Variants in ASB14 observed in about 807,000 individuals in gnomAD.
ASB14 encodes ankyrin repeat and SOCS box containing 14.
In ASB14, 63 loss-of-function variants were observed where a neutral mutation model predicts 55.6. The observed-to-expected ratio is 1.13, with a 90% CI of 0.92 to 1.40. The LOEUF (loss-of-function observed/expected upper bound fraction) is 1.40. Among genes scored for constraint, ASB14 ranks in the 40% most tolerant of loss-of-function variants. The pLI is 0.00. For synonymous variants in ASB14, 256 were observed against 259.9 expected (o/e 0.98, Z 0.15); for missense variants, 724 against 710.4 (o/e 1.02, Z -0.22).
chr3:57,288,434 G>T, intron 3 of ASB14, 148 bp from the exon 4 acceptor site: 1 of 903,340 alleles, frequency 1.1e-6, no homozygotes, highest in South Asian at 1.7e-5. Context: ...GCATATGACA[G>T]ACAGTAAGGC....
chr3:57,268,419 CAAAAAG>C lies in ASB14; in HGVS notation c.*1216_*1221del. On this transcript the variant is annotated 3_prime_UTR_variant, in exon 11 of 11. Transcript: ENST00000487349. ...TTAGGATCGTAGGGCATCAGAAAAACAAAAAGAAATAGAGAGAGTAAAAGAGAAGCA... is the reference window on the plus strand; with the variant it reads ...TTAGGATCGTAGGGCATCAGAAAAACAAATAGAGAGAGTAAAAGAGAAGCA... 1 of 1,593,986 alleles carries C rather than the reference CAAAAAG, an allele frequency of 6.3e-7. No individual in the cohort carries two copies.
At chr3:57,271,433 G>A (rs1006012919) in intron 10 of ASB14, 16 of 152,556 alleles carry the variant, frequency 1.0e-4, no homozygotes, top group African/African-American at 3.6e-4. Context: ...TCACAATAGT[G>A]TATCAGTTCT....
chr3:57,280,536 T>TA, intron 6 of ASB14, 63 bp from the exon 7 acceptor site: 5 of 1,427,862 alleles, frequency 3.5e-6, no homozygotes, highest in Non-Finnish European at 4.8e-6. Flanking sequence ...TTGAGCAATC[T>TA]TAAAAATATA....
rs2061103978 is a variant in ASB14 at position 57,288,902 on chromosome 3, GAC to G, written c.178+164_178+165del. On this transcript the variant is annotated intron_variant, in intron 3 of 10. Transcript: ENST00000487349. ...GCTAATTTTTTGCATTTTTAGTAGA[GAC>G]AGGGGGTTTCACCATGTTGGCCAGG... 1.9e-5 allele frequency: 9 copies of G among 482,004 alleles called. No individual in the cohort carries two copies. In the East Asian group the frequency reaches 3.7e-4, roughly 20 times the overall value. 29.9% of individuals were successfully genotyped at this position (482,004 alleles called of 1,614,324 possible).
chr3:57,271,081 T>C (rs1414526809), intron 10 of ASB14: 3 of 152,342 alleles, frequency 2.0e-5, no homozygotes, highest in African/African-American at 7.2e-5. Context: ...ATTTACAAAT[T>C]TTTCAAGAGG....
Position 57,278,688 on chromosome 3 carries a change from G to A in ASB14, c.1120C>T (p.Leu374=), listed in dbSNP as rs376010873. The A allele has an allele frequency of 5.0e-6, 8 of 1,614,076 alleles. No individual in the cohort carries two copies. The highest frequency in any genetic ancestry group is 6.8e-6 in the Non-Finnish European group (8 of 1,180,042). The part of the protein sequence containing the change: ...VSNSDLSSVK[L]LLSAGALPNQ... ...GGCAGAGCTCCAGCACTCAGAAGCA[G>A]CTTGACTGAAGAGAGGTCACTGTTT... Residue 374 remains leucine, a synonymous_variant, in exon 8 of 11, where the codon CTG becomes TTG. Transcript: ENST00000487349.
At chr3:57,275,548 T>A (rs2060979101) in intron 10 of ASB14, among the ~76,000 whole-genome samples, 1 of 152,102 alleles carries the variant, frequency 6.6e-6, no homozygotes, top group Non-Finnish European at 1.5e-5. Flanking sequence ...TGATGAAGTC[T>A]CTCACCATCC....
intron 5 of ASB14, among the ~76,000 whole-genome samples, chr3:57,287,675 G>A (rs990772553): frequency 6.6e-6 from 1 of 152,180 alleles, no homozygotes; most frequent in Non-Finnish European, 1.5e-5. Flanking sequence ...CTGGCTTGAT[G>A]AAGGTACCAT....
At chr3:57,279,793 C>T (rs2061023970) in intron 7 of ASB14, among the ~76,000 whole-genome samples, 1 of 152,042 alleles carries the variant, frequency 6.6e-6, no homozygotes, top group Non-Finnish European at 1.5e-5. Flanking sequence ...CTGAAGGCAG[C>T]TGAATTCTCT....
Position 57,275,415 on chromosome 3 carries a change from G to A in ASB14, c.*22+1113C>T, listed in dbSNP as rs188390515. ...TGCAGTGAGCTGAGATCATGCCACC[G>A]CAGTCCAGTCTGGGTGACAGGACAA... On this transcript the variant is annotated intron_variant, in intron 10 of 10. Coordinates refer to ENST00000487349, the MANE Select transcript of ASB14 (RefSeq NM_001142733.3). Among the ~76,000 whole-genome samples, 23 of 147,532 alleles carry A rather than the reference G, an allele frequency of 1.6e-4. No individual in the cohort carries two copies. The East Asian group carries it at 3.6e-3, about 23-fold the overall frequency.
chr3:57,282,280 A>G (rs941597346), intron 6 of ASB14, among the ~76,000 whole-genome samples: 1 of 152,236 alleles, frequency 6.6e-6, no homozygotes, highest in African/African-American at 2.4e-5. Flanking sequence ...ACTGGAGACC[A>G]GGACTGTGTA....
intron 10 of ASB14, among the ~76,000 whole-genome samples, chr3:57,275,026 T>G (rs1398210040): frequency 6.6e-6 from 1 of 152,206 alleles, no homozygotes; most frequent in Non-Finnish European, 1.5e-5. Flanking sequence ...ATTGGGACTT[T>G]CCCACAAGAA....
chr3:57,279,258 G>GTTTTTC (rs1559521417), intron 7 of ASB14, among the ~76,000 whole-genome samples: 5 of 109,124 alleles, frequency 4.6e-5, no homozygotes, highest in African/African-American at 1.8e-4. Context: ...TTGGTCAAGA[G>GTTTTTC]TTTTTCTTTT....
chr3:57,278,505 C>T lies in ASB14; in HGVS notation c.1303G>A (p.Val435Ile). The change falls in exon 8 of 11, where the codon GTC becomes ATC. Residue 435 changes from valine to isoleucine, a missense_variant. Transcript: ENST00000487349. ...TAGTTCAGCAGCATCCTGAGCATGA[C>T]TTCATCTTTCAGAGTGTATTGCAGT... ...SALQYTLKDE[V>I]MLRMLLNYGY... 6.2e-7 allele frequency: 1 copy of T among 1,614,220 alleles called. No homozygotes were observed. Among genetic ancestry groups the T allele is most frequent in the Non-Finnish European group, 8.5e-7 (1 of 1,180,034 alleles).
At chr3:57,291,451 A>G (rs1311203356) in intron 2 of ASB14, among the ~76,000 whole-genome samples, 1 of 152,162 alleles carries the variant, frequency 6.6e-6, no homozygotes, top group Non-Finnish European at 1.5e-5. Context: ...CTCTGAATCT[A>G]CACTTTCAGA....
At chr3:57,269,930 AG>A (rs1395469230) in intron 10 of ASB14, 1 of 317,770 alleles carries the variant, frequency 3.1e-6, no homozygotes, top group Non-Finnish European at 5.7e-6. Flanking sequence ...ATCTCCCTGA[AG>A]CAGACTGCTG....
intron 2 of ASB14, among the ~76,000 whole-genome samples, chr3:57,289,942 C>T (rs919889855): frequency 1.1e-4 from 17 of 152,086 alleles, no homozygotes; most frequent in African/African-American, 3.9e-4. Context: ...CCACCACACC[C>T]GGCCACCTTC....
chr3:57,278,769 T>C lies in ASB14; in HGVS notation c.1039A>G (p.Arg347Gly), dbSNP rs777244774. Residue 347 changes from arginine (R) to glycine (G), a missense_variant, in exon 8 of 11, where the codon AGA becomes GGA. Physicochemically the swap from Arg to Gly is moderately radical, Grantham distance 125 (BLOSUM62 -2). Coordinates refer to ENST00000487349, the MANE Select transcript of ASB14 (RefSeq NM_001142733.3). The stretch of plus-strand genomic sequence containing the variant: ...TGGTCATCGTAGTGTTTGTTAATTC[T>C]CTGATCCAGCATGAAGTTCACATCA... ...GFDVNFMLDQRINKHYDDHRK... is the reference protein window; with the variant it reads ...GFDVNFMLDQGINKHYDDHRK... 3.1e-6 allele frequency: 5 copies of C among 1,613,368 alleles called. No individual in the cohort carries two copies. The highest frequency in any genetic ancestry group is 1.3e-5 in the African/African-American group (1 of 74,878).
intron 3 of ASB14, among the ~76,000 whole-genome samples, 175 bp from the exon 4 acceptor site, chr3:57,288,461 C>T (rs1240141239): frequency 2.0e-5 from 3 of 152,192 alleles, no homozygotes; most frequent in Non-Finnish European, 4.4e-5. Flanking sequence ...TGTAGCGTTC[C>T]GCACCTGGGC....
Sources: gnomAD v4.1 joint callset for allele counts (sites outside exome capture counted in the v4.1 genomes callset) on GRCh38, gnomAD v4.1.1 for gene constraint, MANE v1.5 for transcripts, NCBI Gene and HGNC (gene_info 2026-07-23, HGNC 2026-07-21) for gene names.